TMEM108: variants seen among roughly 807,000 people sequenced by gnomAD.
The protein encoded by TMEM108 is cancer/testis antigen 124.
A neutral mutation model predicts 35.1 loss-of-function variants in TMEM108; 12 were observed. The observed-to-expected ratio is 0.34, with a 90% CI of 0.22 to 0.55. The LOEUF (loss-of-function observed/expected upper bound fraction) is 0.55. Among genes scored for constraint, TMEM108 ranks in the 20% least tolerant of loss-of-function variants. The probability of loss-of-function intolerance (pLI) is 0.89; values close to 1 mark genes in which losing one functional copy is unlikely to be tolerated. For synonymous variants in TMEM108, 287 were observed against 308.6 expected (o/e 0.93, Z 0.73); for missense variants, 680 against 753.3 (o/e 0.90, Z 1.14).
At chr3:133,243,096 T>C (rs1224513257) in intron 3 of TMEM108, among the ~76,000 whole-genome samples, 1 of 152,042 alleles carries the variant, frequency 6.6e-6, no homozygotes, top group Non-Finnish European at 1.5e-5. Context: ...ATGAATGAGA[T>C]GGAAGGGCTG....
intron 2 of TMEM108, among the ~76,000 whole-genome samples, chr3:133,055,255 T>C (rs577331647): frequency 5.3e-5 from 8 of 152,254 alleles, no homozygotes; most frequent in Admixed American, 2.6e-4. Context: ...AAATCTTCAA[T>C]TTTAACTTTA....
At chr3:133,153,386 G>A (rs1944830358) in intron 2 of TMEM108, among the ~76,000 whole-genome samples, 3 of 152,118 alleles carry the variant, frequency 2.0e-5, no homozygotes, top group African/African-American at 7.2e-5. Context: ...TGCTTACTAT[G>A]TATTAGACAT....
intron 2 of TMEM108, among the ~76,000 whole-genome samples, chr3:133,096,483 G>A (rs1944016556): frequency 6.6e-6 from 1 of 152,142 alleles, no homozygotes; most frequent in Non-Finnish European, 1.5e-5. Context: ...AGTGAGACAT[G>A]GAGATGAGAG....
intron 3 of TMEM108, chr3:133,378,489 A>G: frequency 1.0e-6 from 1 of 985,498 alleles, no homozygotes; most frequent in Non-Finnish European, 1.2e-6. Flanking sequence ...AGAGGAGCCT[A>G]GCAGGGGCTG....
rs1298703853 is a variant in TMEM108, at chr3:133,168,469, G to T, written c.-46-60797G>T. ...CCTTTTCTTAGGAACCTACTGAGAG[G>T]TGAAGCTGGCTGGGCTTCTGGGTCG... On this transcript the variant is annotated intron_variant, in intron 2 of 5. Coordinates refer to ENST00000321871, the MANE Select transcript of TMEM108 (RefSeq NM_023943.4). Among the ~76,000 whole-genome samples the T allele has an allele frequency of 2.0e-5, 3 of 152,130 alleles. No individual in the cohort carries two copies. The East Asian group carries it at 5.8e-4, about 29-fold the overall frequency.
At chr3:133,177,465 A>C (rs1320610137) in intron 2 of TMEM108, among the ~76,000 whole-genome samples, 1 of 152,244 alleles carries the variant, frequency 6.6e-6, no homozygotes, top group East Asian at 1.9e-4. Flanking sequence ...AAGCTTATCC[A>C]TCATGATCAA....
At position 133,056,389 on chromosome 3, in the gene TMEM108, T is replaced by C. The variant is rs1943466545; in HGVS notation, c.-47+10369T>C. Among the ~76,000 whole-genome samples the C allele has an allele frequency of 3.3e-5, 5 of 152,230 alleles. No homozygotes were observed. In the South Asian group the frequency reaches 1.0e-3, roughly 31 times the overall value. On this transcript the variant is annotated intron_variant, in intron 2 of 5. Transcript: ENST00000321871. ...TAGATCTGCATTTCTATCCTGTCCC[T>C]ATCATTTTTTAGAAATGTGACTTTG...
At chr3:133,127,134 T>G (rs1372549715) in intron 2 of TMEM108, among the ~76,000 whole-genome samples, 1 of 152,172 alleles carries the variant, frequency 6.6e-6, no homozygotes, top group Non-Finnish European at 1.5e-5. Flanking sequence ...TGATCTGTAC[T>G]TAGATTAAAA....
chr3:133,390,346 G>A lies in TMEM108; in HGVS notation c.1605+12G>A. On this transcript the variant is annotated intron_variant, in intron 5 of 5. Transcript: ENST00000321871. Reference sequence around the variant, plus strand: ...TTGAAACCTCTGAGGTAATGAGCTTGAAAGTGCTGGCCCCACTGCAGGGAA... The same window carrying A: ...TTGAAACCTCTGAGGTAATGAGCTTAAAAGTGCTGGCCCCACTGCAGGGAA... The A allele has an allele frequency of 1.9e-6, 3 of 1,613,610 alleles. No homozygotes were observed. The highest frequency in any genetic ancestry group is 1.3e-5 in the African/African-American group (1 of 75,046).
In TMEM108 at chr3:133,268,229, G is replaced by A. The variant is rs114135497; in HGVS notation, c.40+38878G>A. 6.2e-3 allele frequency among the ~76,000 whole-genome samples: 939 copies of A among 152,324 alleles called. 12 individuals are homozygous for A. Among genetic ancestry groups the A allele is most frequent in the African/African-American group, 0.021 (882 of 41,560 alleles). On this transcript the variant is annotated intron_variant, in intron 3 of 5. Transcript: ENST00000321871. ...TTGGACAGTATGGAGAAAGGTCCTT[G>A]GAACAGAAGGGCCAGTTAGTTGTCA...
At chr3:133,094,495 G>T (rs1285989438) in intron 2 of TMEM108, among the ~76,000 whole-genome samples, 4 of 151,964 alleles carry the variant, frequency 2.6e-5, no homozygotes, top group Non-Finnish European at 5.9e-5. Flanking sequence ...TACATGCCTG[G>T]CCCCAGGCAT....
chr3:133,153,346 A>T (rs189434811), intron 2 of TMEM108, among the ~76,000 whole-genome samples: 2 of 152,306 alleles, frequency 1.3e-5, no homozygotes, highest in East Asian at 3.9e-4. Flanking sequence ...CAAAATTCAA[A>T]TGAAAGTAAT....
intron 3 of TMEM108, among the ~76,000 whole-genome samples, chr3:133,322,879 A>G (rs935167090): frequency 6.6e-6 from 1 of 152,196 alleles, no homozygotes; most frequent in Non-Finnish European, 1.5e-5. Context: ...AAATCGATAA[A>G]TGTGATACAT....
At chr3:133,140,581 A>T (rs985582244) in intron 2 of TMEM108, among the ~76,000 whole-genome samples, 2 of 152,214 alleles carry the variant, frequency 1.3e-5, no homozygotes, top group Non-Finnish European at 2.9e-5. Flanking sequence ...TTTTTTGAGA[A>T]AAAGTCTAGG....
At chr3:133,286,869 G>A (rs1221287434) in intron 3 of TMEM108, among the ~76,000 whole-genome samples, 1 of 152,178 alleles carries the variant, frequency 6.6e-6, no homozygotes, top group Non-Finnish European at 1.5e-5. Flanking sequence ...TCTCTTATCA[G>A]GAAAGCAGAA....
At chr3:133,190,368 G>T (rs1945481584) in intron 2 of TMEM108, among the ~76,000 whole-genome samples, 1 of 152,234 alleles carries the variant, frequency 6.6e-6, no homozygotes. Flanking sequence ...TCAAGAAAAT[G>T]ACCTCATTTT....
At chr3:133,182,865 C>T (rs1450409208) in intron 2 of TMEM108, among the ~76,000 whole-genome samples, 1 of 152,184 alleles carries the variant, frequency 6.6e-6, no homozygotes, top group Non-Finnish European at 1.5e-5. Context: ...TCTCACTGTA[C>T]TGTCCAGTCC....
intron 2 of TMEM108, among the ~76,000 whole-genome samples, chr3:133,181,038 A>AAAAAAAAAAC (rs869218859): frequency 7.9e-6 from 1 of 126,444 alleles, no homozygotes; most frequent in Non-Finnish European, 1.7e-5. Context: ...AAAAAAAAAA[A>AAAAAAAAAAC]CAGCACTCCC....
intron 2 of TMEM108, among the ~76,000 whole-genome samples, chr3:133,222,202 C>A (rs1002728117): frequency 1.7e-4 from 26 of 151,662 alleles, no homozygotes; most frequent in African/African-American, 6.1e-4. Flanking sequence ...GTTTTTTTGG[C>A]AATTTTTTTT....
Sources: gnomAD v4.1 joint callset for allele counts (sites outside exome capture counted in the v4.1 genomes callset) on GRCh38, gnomAD v4.1.1 for gene constraint, MANE v1.5 for transcripts, NCBI Gene and HGNC (gene_info 2026-07-23, HGNC 2026-07-21) for gene names.